The following TDP1 variants were observed in gnomAD, a reference collection of about 807,000 sequenced individuals.
TDP1 encodes tyr-DNA phosphodiesterase 1.
A neutral mutation model predicts 81.5 loss-of-function variants in TDP1; 64 were observed. The ratio of observed to expected loss-of-function variants is 0.79; its 90% CI spans 0.64 to 0.97. The LOEUF is 0.97. TDP1 is among the 50% of genes least tolerant of loss of function. TDP1 has a pLI of 0.00. For synonymous variants in TDP1, 256 were observed against 264.3 expected, an observed-to-expected ratio of 0.97 and a Z score of 0.30; for missense variants, 723 against 743.8, an observed-to-expected ratio of 0.97 and a Z score of 0.33.
At chr14:89,979,223 T>C (rs745654259) in intron 7 of TDP1, among the ~76,000 whole-genome samples, 35 of 152,080 alleles carry the variant, frequency 2.3e-4, no homozygotes, top group Non-Finnish European at 4.0e-4. Context: ...AACAGGGAGA[T>C]AAAAATCATC....
At chr14:89,980,167 C>G in intron 7 of TDP1, 1 of 985,398 alleles carries the variant, frequency 1.0e-6, no homozygotes, top group Non-Finnish European at 1.2e-6. Flanking sequence ...AGCCATGATG[C>G]AGCAAGAGGT....
At position 90,023,863 on chromosome 14, in the gene TDP1, C is replaced by T. The variant is rs34331162; in HGVS notation, c.1644+4445C>T. Among the ~76,000 whole-genome samples the T allele has an allele frequency of 3.9e-5, 6 of 152,190 alleles. No individual in the cohort carries two copies. The East Asian group carries it at 9.7e-4, about 25-fold the overall frequency. ...ACTTGTTAATTTTTCTGTAGAGATG[C>T]GGTCTTGCCATGTTGCCCAGACTGG... On this transcript the variant is annotated intron_variant, in intron 15 of 16. Coordinates refer to ENST00000335725, the MANE Select transcript of TDP1 (RefSeq NM_018319.4).
chr14:90,028,498 T>C (rs1309959750), intron 15 of TDP1, among the ~76,000 whole-genome samples: 1 of 152,252 alleles, frequency 6.6e-6, no homozygotes, highest in Non-Finnish European at 1.5e-5. Context: ...ATTTCTCATG[T>C]GTGATATATG....
chr14:89,980,482 G>A, intron 7 of TDP1, 58 bp from the exon 8 acceptor site: 2 of 1,512,972 alleles, frequency 1.3e-6, no homozygotes, highest in Non-Finnish European at 1.8e-6. Flanking sequence ...GCATTGGAAA[G>A]GTATTACATA....
At chr14:89,992,930 C>G in intron 13 of TDP1, 2 of 984,902 alleles carry the variant, frequency 2.0e-6, no homozygotes, top group Non-Finnish European at 2.4e-6. Context: ...TTTCAACATT[C>G]ATTTTTTTCA....
intron 14 of TDP1, among the ~76,000 whole-genome samples, chr14:89,996,489 A>G (rs978574778): frequency 6.6e-6 from 1 of 152,120 alleles, no homozygotes; most frequent in Non-Finnish European, 1.5e-5. Flanking sequence ...CTCCGCCTGG[A>G]GCCTCTTTCA....
In TDP1 at chr14:89,993,129, A is replaced by G. The variant is rs540186015; in HGVS notation, c.1434-247A>G. On this transcript the variant is annotated intron_variant, in intron 13 of 16. Coordinates refer to ENST00000335725, the MANE Select transcript of TDP1 (RefSeq NM_018319.4). ...AATATGTATGCATGTATGTATGTTC[A>G]TGGCAAAAATGGAAAGGCTATATGC... 1.6e-4 allele frequency: 155 copies of G among 983,134 alleles called. No homozygotes were observed. The South Asian group carries it at 5.4e-3, about 34-fold the overall frequency. 60.9% of individuals were successfully genotyped at this position (983,134 alleles called of 1,614,324 possible). A position where few individuals can be genotyped will look rare whatever the true frequency, so the allele number is the denominator to read the frequency against.
intron 9 of TDP1, 112 bp downstream of exon 9, chr14:89,984,795 C>T: frequency 1.3e-6 from 2 of 1,594,804 alleles, no homozygotes; most frequent in Non-Finnish European, 1.7e-6. Context: ...TCTAGCCAAG[C>T]TTCAGGATGT....
chr14:90,002,045 C>A (rs1897235689), intron 14 of TDP1, among the ~76,000 whole-genome samples: 1 of 151,994 alleles, frequency 6.6e-6, no homozygotes, highest in African/African-American at 2.4e-5. Context: ...TGAATCAGTA[C>A]CCTTTTAAAA....
In TDP1 at chr14:89,998,488, T is replaced by C. The variant is rs1257683864; in HGVS notation, c.1541+5005T>C. ...TATATATTAATTCATGTAATTCTTA[T>C]AGCCGTTCTACAGTGTATCCATTAA... On this transcript the variant is annotated intron_variant, in intron 14 of 16. Coordinates refer to ENST00000335725, the MANE Select transcript of TDP1 (RefSeq NM_018319.4). Among the ~76,000 whole-genome samples, 15 of 147,698 alleles carry C rather than the reference T, an allele frequency of 1.0e-4. No homozygotes were observed. The East Asian group carries it at 3.0e-3, about 29-fold the overall frequency.
chr14:90,037,452 G>A (rs1385617049), intron 16 of TDP1, among the ~76,000 whole-genome samples: 1 of 151,938 alleles, frequency 6.6e-6, no homozygotes, highest in Non-Finnish European at 1.5e-5. Flanking sequence ...CTATTAAGGA[G>A]GTTGTTTCAT....
intron 8 of TDP1, among the ~76,000 whole-genome samples, chr14:89,981,292 A>G (rs530962607): frequency 4.6e-5 from 7 of 152,272 alleles, no homozygotes; most frequent in African/African-American, 1.7e-4. Context: ...GAAAGCTTTT[A>G]TGAACTTTTT....
chr14:89,964,182 G>A (rs1596501469), intron 3 of TDP1, among the ~76,000 whole-genome samples: 1 of 152,218 alleles, frequency 6.6e-6, no homozygotes, highest in East Asian at 1.9e-4. Context: ...CTGCTTAAAA[G>A]CCTGGTTTTA....
At chr14:89,972,953 A>G (rs930689413) in intron 6 of TDP1, among the ~76,000 whole-genome samples, 1 of 151,950 alleles carries the variant, frequency 6.6e-6, no homozygotes, top group African/African-American at 2.4e-5. Context: ...TTTTTTCCCC[A>G]TCCACAAAGA....
rs553780629 is a variant in TDP1 at position 89,967,350 on chromosome 14, T to C, written c.604-17T>C. The C allele has an allele frequency of 6.2e-7, 1 of 1,613,366 alleles. No individual in the cohort carries two copies. Among genetic ancestry groups the C allele is most frequent in the Non-Finnish European group, 8.5e-7 (1 of 1,179,282 alleles). On this transcript the variant is annotated splice_polypyrimidine_tract_variant and intron_variant, in intron 4 of 16. Transcript: ENST00000335725. ...GAATTACCTATGGCTTAGTTACTCTTCTTTTCTCCCATCTAGTTTAACTAC... is the reference window on the plus strand; with the variant it reads ...GAATTACCTATGGCTTAGTTACTCTCCTTTTCTCCCATCTAGTTTAACTAC...
chr14:90,028,527 G>A (rs781553494), intron 15 of TDP1, among the ~76,000 whole-genome samples: 11 of 152,342 alleles, frequency 7.2e-5, no homozygotes, highest in Non-Finnish European at 1.5e-4. Flanking sequence ...CTCACCTGGT[G>A]TTTTATAAAC....
At chr14:90,010,539 A>C (rs1282684657) in intron 14 of TDP1, among the ~76,000 whole-genome samples, 1 of 152,172 alleles carries the variant, frequency 6.6e-6, no homozygotes, top group East Asian at 1.9e-4. Context: ...GCCCAGTATA[A>C]TCACAAAGAT....
chr14:89,977,756 A>G (rs375620086), intron 7 of TDP1, among the ~76,000 whole-genome samples: 5 of 152,330 alleles, frequency 3.3e-5, no homozygotes, highest in South Asian at 4.1e-4. Context: ...ATAGTGATGG[A>G]GGGTAAACTG....
intron 15 of TDP1, among the ~76,000 whole-genome samples, chr14:90,023,682 T>C (rs1161674258): frequency 1.3e-5 from 2 of 152,138 alleles, no homozygotes; most frequent in Admixed American, 6.5e-5. Flanking sequence ...CTCACTCTCT[T>C]GGCACGTCTT....
Sources: allele counts gnomAD v4.1 joint callset (sites outside exome capture counted in the v4.1 genomes callset), GRCh38; gene constraint gnomAD v4.1.1; transcripts MANE v1.5; gene names NCBI Gene and HGNC (gene_info 2026-07-23, HGNC 2026-07-21).